TTC4: variants seen among roughly 807,000 people sequenced by gnomAD.
The protein encoded by TTC4 is tetratricopeptide repeat domain 4.
A neutral mutation model predicts 51.9 loss-of-function variants in TTC4; 36 were observed. The ratio of observed to expected loss-of-function variants is 0.69; its 90% CI spans 0.53 to 0.92. TTC4 has a LOEUF of 0.92. Among genes scored for constraint, TTC4 ranks in the 40% least tolerant of loss-of-function variants. The probability of loss-of-function intolerance (pLI) is 0.00; values close to 1 mark genes in which losing one functional copy is unlikely to be tolerated. For missense variants in TTC4, 399 were observed against 454.6 expected, an observed-to-expected ratio of 0.88 and a Z score of 1.11; for synonymous variants, 144 against 164.2, an observed-to-expected ratio of 0.88 and a Z score of 0.94.
chr1:54,736,456 A>G (rs1645945780), intron 8 of TTC4, among the ~76,000 whole-genome samples: 1 of 152,026 alleles, frequency 6.6e-6, no homozygotes. Context: ...TGCCAAGATC[A>G]ACCTCCTGGG....
Position 54,728,454 on chromosome 1 carries a change from T to C in TTC4, c.681+22T>C, listed in dbSNP as rs777624030. ...CAAGGTGAGTTCTTAAACCTTAGGT[T>C]TTTATGGTCCTGCTAAATCCACTAA... On this transcript the variant is annotated intron_variant, in intron 6 of 9. Coordinates refer to ENST00000371281, the MANE Select transcript of TTC4 (RefSeq NM_004623.5). 1.9e-5 allele frequency: 30 copies of C among 1,604,144 alleles called. No individual in the cohort carries two copies. In the East Asian group the frequency reaches 6.3e-4, roughly 34 times the overall value.
chr1:54,731,459 G>A (rs1424092643), intron 6 of TTC4, 27 bp from the exon 7 acceptor site: 4 of 1,591,680 alleles, frequency 2.5e-6, no homozygotes, highest in South Asian at 1.1e-5. Context: ...TGTGCATTAT[G>A]TGTGTGTGTT....
At chr1:54,723,861 C>T (rs1645771804) in intron 5 of TTC4, among the ~76,000 whole-genome samples, 2 of 152,156 alleles carry the variant, frequency 1.3e-5, no homozygotes, top group Middle Eastern at 3.4e-3. Flanking sequence ...CTGTTATGTG[C>T]CAGAAATGTC....
chr1:54,732,113 C>T (rs184786440), intron 7 of TTC4, among the ~76,000 whole-genome samples: 6 of 152,104 alleles, frequency 3.9e-5, no homozygotes, highest in African/African-American at 1.2e-4. Context: ...AGGCAGATTA[C>T]TTGAGGCCAG....
At position 54,738,375 on chromosome 1, in the gene TTC4, C is replaced by G. The variant is rs564178593; in HGVS notation, c.1061+711C>G. ...TTTGGTTGGGGATACAGAGCCAAAC[C>G]ATATCACTCAGGCACCATCCGAGGA... On this transcript the variant is annotated intron_variant, in intron 9 of 9. Transcript: ENST00000371281. Among the ~76,000 whole-genome samples the G allele has an allele frequency of 8.2e-4, 125 of 152,280 alleles. 1 individual carries two copies. The highest frequency in any genetic ancestry group is 2.6e-3 in the African/African-American group (106 of 41,548).
intron 8 of TTC4, among the ~76,000 whole-genome samples, chr1:54,735,965 C>T (rs1198586801): frequency 2.6e-5 from 4 of 152,232 alleles, no homozygotes; most frequent in South Asian, 4.1e-4. Flanking sequence ...GTTCAGATTG[C>T]GCTTTCCTTG....
At chr1:54,716,993 G>A (rs1386901538) in intron 2 of TTC4, among the ~76,000 whole-genome samples, 2 of 152,216 alleles carry the variant, frequency 1.3e-5, no homozygotes, top group Non-Finnish European at 1.5e-5. Context: ...ACATGTAGGT[G>A]TATACTACAG....
chr1:54,741,729 G>C lies in TTC4; in HGVS notation c.*216G>C, dbSNP rs1016811216. On this transcript the variant is annotated 3_prime_UTR_variant, in exon 10 of 10. Transcript: ENST00000371281. ...TTTCCTCAGTTGATATAAAACTCTG[G>C]GTCTTGGCCATGATGTCCTTGGACT... 5 of 578,766 alleles carry C rather than the reference G, an allele frequency of 8.6e-6. No individual in the cohort carries two copies. The East Asian group carries it at 1.4e-4, about 17-fold the overall frequency. 35.9% of individuals were successfully genotyped at this position (578,766 alleles called of 1,614,324 possible).
At chr1:54,722,882 A>C in intron 5 of TTC4, 83 bp downstream of exon 5, 1 of 1,551,958 alleles carries the variant, frequency 6.4e-7, no homozygotes. Context: ...AAGTCATTGT[A>C]AACTTTTTAA....
chr1:54,717,720 T>C (rs1645693347), intron 3 of TTC4, 67 bp downstream of exon 3: 1 of 1,369,372 alleles, frequency 7.3e-7, no homozygotes. Flanking sequence ...TAGTGGAGGT[T>C]TGAGAACATC....
intron 6 of TTC4, among the ~76,000 whole-genome samples, chr1:54,730,502 T>C (rs1645852674): frequency 1.3e-5 from 2 of 152,196 alleles, no homozygotes; most frequent in Non-Finnish European, 2.9e-5. Context: ...AGTTGAGTAG[T>C]TAATTTTGAC....
Position 54,737,661 on chromosome 1 carries a change from A to G in TTC4, c.1058A>G (p.Gln353Arg), listed in dbSNP as rs1386617820. 6.2e-7 allele frequency: 1 copy of G among 1,612,354 alleles called. No homozygotes were observed. The highest frequency in any genetic ancestry group is 1.3e-5 in the African/African-American group (1 of 74,884). ...KSTLLQVLQH[Q>R]RYFVKALTPA... is the part of the protein sequence containing the mutation. ...ACCTTGCTACAGGTTCTACAGCACC[A>G]GAGGTGAGTCATCTCATGGCGCTGA... Residue 353 changes from glutamine to arginine, a missense_variant, in exon 9 of 10, where the codon CAG becomes CGG. This residue lies in a region of TTC4 where 64 missense variants were observed against 61.3 expected (regional missense o/e 1.04). Coordinates refer to ENST00000371281, the MANE Select transcript of TTC4 (RefSeq NM_004623.5).
chr1:54,738,721 G>A (rs1039954626), intron 9 of TTC4, among the ~76,000 whole-genome samples: 15 of 149,666 alleles, frequency 1.0e-4, no homozygotes, highest in Non-Finnish European at 1.9e-4. Flanking sequence ...GCAGTGGTGC[G>A]ATCTTGGCTC....
chr1:54,720,362 A>G (rs1273066267), intron 3 of TTC4, among the ~76,000 whole-genome samples: 1 of 152,012 alleles, frequency 6.6e-6, no homozygotes, highest in Non-Finnish European at 1.5e-5. Context: ...AGTAATAATT[A>G]TAGTATACTC....
intron 9 of TTC4, 73 bp from the exon 10 acceptor site, chr1:54,741,335 ATGT>A: frequency 8.3e-7 from 1 of 1,209,144 alleles, no homozygotes; most frequent in African/African-American, 1.5e-5. Flanking sequence ...CTCACCTTGC[ATGT>A]TGTTAGGAAG....
chr1:54,732,430 T>G (rs1645878261), intron 7 of TTC4, among the ~76,000 whole-genome samples: 1 of 150,792 alleles, frequency 6.6e-6, no homozygotes, highest in South Asian at 2.1e-4. Flanking sequence ...TGAGTCTAAG[T>G]GTAAGAGTGT....
chr1:54,723,723 G>A (rs1379714490), intron 5 of TTC4, among the ~76,000 whole-genome samples: 4 of 152,192 alleles, frequency 2.6e-5, no homozygotes, highest in African/African-American at 9.7e-5. Context: ...AGTTTAGATG[G>A]TTTAACGTAA....
intron 4 of TTC4, among the ~76,000 whole-genome samples, chr1:54,721,706 T>C (rs1451382411): frequency 1.3e-5 from 2 of 152,268 alleles, no homozygotes; most frequent in Non-Finnish European, 2.9e-5. Context: ...GAGAAGCTCA[T>C]AGGTGCTTTG....
In TTC4 at chr1:54,717,632, G is replaced by A; in HGVS notation, c.370G>A (p.Ala124Thr). The A allele has an allele frequency of 6.2e-7, 1 of 1,604,470 alleles. No individual in the cohort carries two copies. Among genetic ancestry groups the A allele is most frequent in the Non-Finnish European group, 8.5e-7 (1 of 1,176,592 alleles). The change falls in exon 3 of 10, where the codon GCA becomes ACA. Residue 124 changes from alanine to threonine, a missense_variant. Ala to Thr is a moderately conservative substitution (Grantham distance 58, BLOSUM62 0). Around this residue, in one of 3 missense-constraint regions of TTC4, gnomAD observed 316 missense variants for 349.6 expected, o/e 0.90. Coordinates refer to ENST00000371281, the MANE Select transcript of TTC4 (RefSeq NM_004623.5). Reference protein sequence around the residue: ...DLNAVLYTNRAAAQYYLGNFR... With the variant: ...DLNAVLYTNRTAAQYYLGNFR... ...GAATGCTGTCCTTTATACCAACCGG[G>A]CAGCAGCACAGTACTATCTGGGTAA...
Sources: allele counts gnomAD v4.1 joint callset (sites outside exome capture counted in the v4.1 genomes callset), GRCh38; gene constraint gnomAD v4.1.1; regional missense constraint gnomAD v4.1.1; transcripts MANE v1.5; gene names NCBI Gene and HGNC (gene_info 2026-07-23, HGNC 2026-07-21).